The following KCNQ5 variants were observed in gnomAD, a reference collection of about 807,000 sequenced individuals.
KCNQ5 encodes the protein potassium voltage-gated channel subfamily Q member 5.
Under a neutral mutation model 98.2 loss-of-function variants are expected in KCNQ5, and 30 were observed. The observed-to-expected ratio is 0.31, with a 90% confidence interval of 0.23 to 0.41. The LOEUF (loss-of-function observed/expected upper bound fraction) is 0.41, where lower values mean the gene tolerates loss of function less well. Ranked by LOEUF, KCNQ5 falls within the 10% of genes least tolerant of loss-of-function variation. The pLI is 1.00. For synonymous variants in KCNQ5, 458 were observed against 449.4 expected (o/e 1.02, Z -0.24); for missense variants, 835 against 1,182.5 (o/e 0.71, Z 4.31).
chr6:73,110,160 G>A (rs906641371), intron 6 of KCNQ5, among the ~76,000 whole-genome samples: 2 of 152,164 alleles, frequency 1.3e-5, no homozygotes, highest in South Asian at 4.1e-4. Flanking sequence ...AGCAAATACT[G>A]ACTTAGTGCT....
intron 10 of KCNQ5, among the ~76,000 whole-genome samples, chr6:73,157,120 A>T (rs1316301038): frequency 6.6e-6 from 1 of 152,222 alleles, no homozygotes; most frequent in African/African-American, 2.4e-5. Context: ...TCACATATAC[A>T]CAAGCGTAAG....
chr6:72,905,183 C>A (rs1284286098), intron 1 of KCNQ5, among the ~76,000 whole-genome samples: 1 of 152,136 alleles, frequency 6.6e-6, no homozygotes, highest in East Asian at 1.9e-4. Context: ...CTTTCCAGGG[C>A]ATTTTGCATT....
At chr6:73,123,657 C>T (rs529544517) in intron 8 of KCNQ5, among the ~76,000 whole-genome samples, 2 of 152,230 alleles carry the variant, frequency 1.3e-5, no homozygotes, top group Admixed American at 6.5e-5. Flanking sequence ...TTGATTTTCT[C>T]CTCAAAGAGA....
At chr6:73,108,642 T>C (rs1182422289) in intron 6 of KCNQ5, among the ~76,000 whole-genome samples, 1 of 152,078 alleles carries the variant, frequency 6.6e-6, no homozygotes, top group Non-Finnish European at 1.5e-5. Flanking sequence ...CTGCCTAACA[T>C]GGTGAAACCA....
At chr6:72,830,188 C>G (rs1411435499) in intron 1 of KCNQ5, among the ~76,000 whole-genome samples, 1 of 152,130 alleles carries the variant, frequency 6.6e-6, no homozygotes, top group East Asian at 1.9e-4. Context: ...AATGCCATCC[C>G]CATCAAGCTA....
chr6:72,776,377 C>T, intron 1 of KCNQ5, among the ~76,000 whole-genome samples: 1 of 152,286 alleles, frequency 6.6e-6, no homozygotes, highest in Non-Finnish European at 1.5e-5. Context: ...TTTACTCCAA[C>T]ACATTAAGGT....
intron 5 of KCNQ5, among the ~76,000 whole-genome samples, chr6:73,089,242 A>C (rs912285474): frequency 4.6e-5 from 7 of 152,218 alleles, no homozygotes; most frequent in African/African-American, 1.7e-4. Context: ...AATTTAATCA[A>C]TATACAATAT....
intron 1 of KCNQ5, among the ~76,000 whole-genome samples, chr6:72,782,461 A>ATAAATGTGATCC (rs1773534175): frequency 6.6e-6 from 1 of 152,212 alleles, no homozygotes; most frequent in South Asian, 2.1e-4. Context: ...TTCTCCAGAA[A>ATAAATGTGATCC]CACAAATGCC....
chr6:72,832,624 C>T (rs1225342703), intron 1 of KCNQ5, among the ~76,000 whole-genome samples: 2 of 152,166 alleles, frequency 1.3e-5, no homozygotes, highest in Non-Finnish European at 2.9e-5. Flanking sequence ...ATTTGGTTAT[C>T]TCCTACAAGA....
At chr6:72,729,092 G>A (rs1770426855) in intron 1 of KCNQ5, among the ~76,000 whole-genome samples, 1 of 151,926 alleles carries the variant, frequency 6.6e-6, no homozygotes, top group Non-Finnish European at 1.5e-5. Context: ...TGCATTAAGA[G>A]TGCCCTCATT....
At chr6:73,058,683 C>T (rs187785414) in intron 3 of KCNQ5, among the ~76,000 whole-genome samples, 14 of 152,152 alleles carry the variant, frequency 9.2e-5, no homozygotes, top group South Asian at 4.2e-4. Flanking sequence ...GTCTATTATC[C>T]GGAATCTGTA....
intron 1 of KCNQ5, among the ~76,000 whole-genome samples, chr6:72,698,260 T>C (rs1253047916): frequency 1.3e-5 from 2 of 151,828 alleles, no homozygotes; most frequent in Non-Finnish European, 2.9e-5. Context: ...TGGAGTGCAA[T>C]GGCGTGATCT....
At chr6:73,143,469 T>C (rs1013065907) in intron 10 of KCNQ5, 1 of 152,242 alleles carries the variant, frequency 6.6e-6, no homozygotes, top group African/African-American at 2.4e-5. Flanking sequence ...TGCTACCCGC[T>C]GCTTCTTGCC....
At chr6:72,669,467 G>C (rs1375166391) in intron 1 of KCNQ5, among the ~76,000 whole-genome samples, 2 of 152,162 alleles carry the variant, frequency 1.3e-5, no homozygotes, top group Non-Finnish European at 2.9e-5. Flanking sequence ...CAGCATCACT[G>C]CCACAGCTCT....
chr6:73,194,869 C>A lies in KCNQ5; in HGVS notation c.2254C>A (p.Pro752Thr). 1 of 1,614,190 alleles carries A rather than the reference C, an allele frequency of 6.2e-7. No homozygotes were observed. The highest frequency in any genetic ancestry group is 8.5e-7 in the Non-Finnish European group (1 of 1,180,024). ...AGCCCCAACAACTTTACAGATCCCA[C>A]CTCCTCTCCCAGCCATCAAGCATCT... ...PAAPTTLQIP[P>T]PLPAIKHLPR... The change falls in exon 14 of 14, where the codon CCT becomes ACT. Residue 752 changes from proline (P) to threonine (T), a missense_variant. Around this residue, in one of 10 missense-constraint regions of KCNQ5, gnomAD observed 416 missense variants for 446.9 expected, o/e 0.93. Coordinates refer to ENST00000370398, the MANE Select transcript of KCNQ5 (RefSeq NM_019842.4).
At chr6:72,770,108 T>C (rs941037574) in intron 1 of KCNQ5, among the ~76,000 whole-genome samples, 1 of 152,146 alleles carries the variant, frequency 6.6e-6, no homozygotes, top group African/African-American at 2.4e-5. Context: ...ATGGGAGATA[T>C]GGTTTTAAAA....
At chr6:72,680,907 G>A (rs1233122696) in intron 1 of KCNQ5, among the ~76,000 whole-genome samples, 1 of 152,190 alleles carries the variant, frequency 6.6e-6, no homozygotes, top group East Asian at 1.9e-4. Flanking sequence ...GGAGTTTTGT[G>A]ATCTGATACT....
At chr6:72,955,223 G>A (rs1562091247) in intron 1 of KCNQ5, among the ~76,000 whole-genome samples, 1 of 152,114 alleles carries the variant, frequency 6.6e-6, no homozygotes, top group African/African-American at 2.4e-5. Flanking sequence ...GAACCTGCTT[G>A]TCCATTCTTA....
chr6:72,788,976 C>A (rs1561984370), intron 1 of KCNQ5, among the ~76,000 whole-genome samples: 1 of 152,134 alleles, frequency 6.6e-6, no homozygotes, highest in Non-Finnish European at 1.5e-5. Context: ...CATTAGAAAT[C>A]CCAGAGGAGA....
Sources: allele counts gnomAD v4.1 joint callset (sites outside exome capture counted in the v4.1 genomes callset), GRCh38; gene constraint gnomAD v4.1.1; regional missense constraint gnomAD v4.1.1; transcripts MANE v1.5; gene names NCBI Gene and HGNC (gene_info 2026-07-23, HGNC 2026-07-21).